NYAP2: variants seen among roughly 807,000 people sequenced by gnomAD.
The protein encoded by NYAP2 is neuronal tyrosine-phosphorylated phosphoinositide-3-kinase adaptor 2.
In NYAP2, 23 loss-of-function variants were observed where a neutral mutation model predicts 50.4. The observed-to-expected ratio is 0.46, with a 90% CI of 0.33 to 0.65. NYAP2 has a LOEUF of 0.65. Among genes scored for constraint, NYAP2 ranks in the 30% least tolerant of loss-of-function variants. The pLI is 0.02. For synonymous variants in NYAP2, 394 were observed against 365.2 expected (o/e 1.08, Z -0.90); for missense variants, 885 against 861.0 (o/e 1.03, Z -0.35).
intron 4 of NYAP2, among the ~76,000 whole-genome samples, chr2:225,550,996 T>C (rs1691664446): frequency 6.6e-6 from 1 of 152,196 alleles, no homozygotes. Context: ...CAGGCTATTA[T>C]CCATTATAGA....
chr2:225,533,107 C>T (rs1021128636), intron 4 of NYAP2, among the ~76,000 whole-genome samples: 1 of 152,068 alleles, frequency 6.6e-6, no homozygotes, highest in African/African-American at 2.4e-5. Flanking sequence ...CTAGAAGGGC[C>T]AAAGATGGCT....
rs543451047 is a variant in NYAP2 at position 225,459,758 on chromosome 2, C to T, written c.221+50657C>T. Reference sequence around the variant, plus strand: ...TCCCGGGTTCTCCCCATTCTCCTGCCTCAGCCTCCCAAGTAGCTGGGACTA... The same window carrying T: ...TCCCGGGTTCTCCCCATTCTCCTGCTTCAGCCTCCCAAGTAGCTGGGACTA... On this transcript the variant is annotated intron_variant, in intron 3 of 6. Transcript: ENST00000636099. 1.7e-3 allele frequency among the ~76,000 whole-genome samples: 266 copies of T among 152,192 alleles called. 3 individuals are homozygous for T. Among genetic ancestry groups the T allele is most frequent in the African/African-American group, 6.1e-3 (255 of 41,528 alleles).
At chr2:225,410,436 T>TC in intron 3 of NYAP2, among the ~76,000 whole-genome samples, 1 of 152,150 alleles carries the variant, frequency 6.6e-6, no homozygotes, top group South Asian at 2.1e-4. Flanking sequence ...ATTTTTTTTT[T>TC]CTGTGAAGTA....
intron 6 of NYAP2, among the ~76,000 whole-genome samples, chr2:225,629,077 G>T (rs1000794932): frequency 5.9e-5 from 9 of 152,172 alleles, no homozygotes; most frequent in Admixed American, 2.6e-4. Context: ...CTCATTATCT[G>T]CTTTCTGCAA....
intron 3 of NYAP2, among the ~76,000 whole-genome samples, chr2:225,502,107 A>T (rs1464216964): frequency 6.6e-6 from 1 of 152,242 alleles, no homozygotes; most frequent in Non-Finnish European, 1.5e-5. Flanking sequence ...GAGCTATCAA[A>T]GGGTTTTAAT....
the NYAP2 span, among the ~76,000 whole-genome samples, chr2:225,684,914 C>G: frequency 1.3e-5 from 2 of 152,144 alleles, no homozygotes; most frequent in East Asian, 1.9e-4. Context: ...TTTGGACCCA[C>G]TGGTCTGTTC....
intron 5 of NYAP2, among the ~76,000 whole-genome samples, chr2:225,589,541 A>ATATATATATATATT (rs1345810328): frequency 1.4e-5 from 2 of 140,590 alleles, no homozygotes; most frequent in African/African-American, 2.7e-5. Flanking sequence ...ATATATATAT[A>ATATATATATATATT]TTTAATAGCT....
At chr2:225,581,799 A>C in intron 4 of NYAP2, 142 bp from the exon 5 acceptor site, 1 of 782,526 alleles carries the variant, frequency 1.3e-6, no homozygotes, top group Middle Eastern at 2.5e-4. Flanking sequence ...TCTTTGGTTG[A>C]TTTTTACTCT....
chr2:225,423,141 T>C (rs1323573148), intron 3 of NYAP2, among the ~76,000 whole-genome samples: 1 of 151,998 alleles, frequency 6.6e-6, no homozygotes, highest in Admixed American at 6.6e-5. Context: ...TAAGAGAGCA[T>C]TTTGGATTGA....
chr2:225,597,512 A>AATAT, intron 5 of NYAP2, among the ~76,000 whole-genome samples: 1,261 of 46,244 alleles, frequency 0.027, 325 homozygotes, highest in Middle Eastern at 0.056. Context: ...TCCAAGGAGA[A>AATAT]ATATATATAT....
At chr2:225,518,983 A>G (rs1238850502) in intron 4 of NYAP2, among the ~76,000 whole-genome samples, 1 of 152,078 alleles carries the variant, frequency 6.6e-6, no homozygotes, top group Non-Finnish European at 1.5e-5. Flanking sequence ...GTGCTACTGA[A>G]TCGAAGCCTG....
In NYAP2 at chr2:225,428,981, T is replaced by G. The variant is rs777461098; in HGVS notation, c.221+19880T>G. Among the ~76,000 whole-genome samples, 13 of 152,348 alleles carry G rather than the reference T, an allele frequency of 8.5e-5. No homozygotes were observed. The South Asian group carries it at 1.2e-3, about 15-fold the overall frequency. On this transcript the variant is annotated intron_variant, in intron 3 of 6. Transcript: ENST00000636099. ...TAAATTCTTTACATGTGACATCTGTTTAATCCAGATAATATTTCCATGAGG... is the reference window on the plus strand; with the variant it reads ...TAAATTCTTTACATGTGACATCTGTGTAATCCAGATAATATTTCCATGAGG...
intron 4 of NYAP2, among the ~76,000 whole-genome samples, chr2:225,561,850 A>G (rs1691881733): frequency 6.6e-6 from 1 of 151,950 alleles, no homozygotes. Flanking sequence ...ATGTTAAATC[A>G]TGTGCTCATC....
chr2:225,687,808 T>C, the NYAP2 span, among the ~76,000 whole-genome samples: 1 of 152,192 alleles, frequency 6.6e-6, no homozygotes, highest in Admixed American at 6.5e-5. Context: ...CCAGTACGTA[T>C]GGACAGAGAA....
chr2:225,667,061 G>A, the NYAP2 span, among the ~76,000 whole-genome samples: 3 of 152,106 alleles, frequency 2.0e-5, no homozygotes, highest in African/African-American at 7.2e-5. Flanking sequence ...TGACTCTCCA[G>A]ACCCGTTAGA....
intron 5 of NYAP2, among the ~76,000 whole-genome samples, chr2:225,600,087 C>T (rs1379848341): frequency 6.6e-6 from 1 of 152,118 alleles, no homozygotes; most frequent in African/African-American, 2.4e-5. Flanking sequence ...TTACTCAGAT[C>T]AGTCTCTCCA....
chr2:225,440,978 T>C (rs1232413119), intron 3 of NYAP2, among the ~76,000 whole-genome samples: 2 of 152,196 alleles, frequency 1.3e-5, no homozygotes, highest in African/African-American at 4.8e-5. Context: ...GCCTTGGTGA[T>C]CACTGCTGCT....
intron 5 of NYAP2, among the ~76,000 whole-genome samples, chr2:225,583,322 A>G (rs1378390055): frequency 1.3e-5 from 2 of 152,194 alleles, no homozygotes; most frequent in African/African-American, 2.4e-5. Flanking sequence ...ATGGTCCTGG[A>G]AAGTTGAACA....
At chr2:225,561,424 G>T (rs905904093) in intron 4 of NYAP2, among the ~76,000 whole-genome samples, 1 of 152,126 alleles carries the variant, frequency 6.6e-6, no homozygotes, top group African/African-American at 2.4e-5. Flanking sequence ...AAAAGATGAA[G>T]TTGGAAGGAC....
Sources: gnomAD v4.1 joint callset for allele counts (sites outside exome capture counted in the v4.1 genomes callset) on GRCh38, gnomAD v4.1.1 for gene constraint, MANE v1.5 for transcripts, NCBI Gene and HGNC (gene_info 2026-07-23, HGNC 2026-07-21) for gene names.